The following NRCAM variants were observed in gnomAD, a reference collection of about 807,000 sequenced individuals.
The protein encoded by NRCAM is neuronal cell adhesion molecule, also known as NgCAM-related cell adhesion molecule.
NRCAM carries 83 observed loss-of-function variants against 156.5 expected under a neutral mutation model. That is an observed-to-expected ratio of 0.53 (90% CI 0.44 to 0.64). The LOEUF is 0.64. Ranked by LOEUF, NRCAM falls within the 30% of genes least tolerant of loss-of-function variation. The pLI, the probability that NRCAM is intolerant of heterozygous loss-of-function variation, is 0.00. For synonymous variants in NRCAM, 538 were observed against 563.9 expected, an observed-to-expected ratio of 0.95 and a Z score of 0.65; for missense variants, 1,417 against 1,597.3, an observed-to-expected ratio of 0.89 and a Z score of 1.92.
intron 32 of NRCAM, 21 bp downstream of exon 32, chr7:108,159,442 A>G (rs761970472): frequency 5.0e-6 from 8 of 1,599,748 alleles, no homozygotes; most frequent in Non-Finnish European, 6.0e-6. Context: ...GAAGATGAAG[A>G]GCAGAGAAGC....
At chr7:108,297,937 A>G (rs2098484064) in intron 3 of NRCAM, among the ~76,000 whole-genome samples, 1 of 152,182 alleles carries the variant, frequency 6.6e-6, no homozygotes, top group Non-Finnish European at 1.5e-5. Flanking sequence ...AGAGTGTTCC[A>G]GACAGAGGGA....
chr7:108,407,241 T>G (rs187895918), intron 1 of NRCAM, among the ~76,000 whole-genome samples: 83 of 152,354 alleles, frequency 5.4e-4, no homozygotes, highest in African/African-American at 1.9e-3. Context: ...ACTCATTAAA[T>G]ATTCTATAAA....
At position 108,243,392 on chromosome 7, in the gene NRCAM, C is replaced by T. The variant is rs951836261; in HGVS notation, c.-106-3222G>A. ...AGAGTAATGTACTCTGCACACTGCA[C>T]AAAGAAAAACCACCGCTTTGCACTC... On this transcript the variant is annotated intron_variant, in intron 3 of 32. Coordinates refer to ENST00000379028, the MANE Select transcript of NRCAM (RefSeq NM_001037132.4). 8.5e-5 allele frequency among the ~76,000 whole-genome samples: 13 copies of T among 152,180 alleles called. No homozygotes were observed. In the East Asian group the frequency reaches 2.3e-3, roughly 27 times the overall value.
At chr7:108,166,821 C>T (rs2054661253) in intron 30 of NRCAM, 100 bp downstream of exon 30, 3 of 1,067,396 alleles carry the variant, frequency 2.8e-6, no homozygotes, top group Middle Eastern at 2.6e-4. Flanking sequence ...CATTCATGCC[C>T]TACCCATAAC....
At chr7:108,183,578 C>T (rs1475361764) in intron 22 of NRCAM, among the ~76,000 whole-genome samples, 2 of 151,456 alleles carry the variant, frequency 1.3e-5, no homozygotes, top group Non-Finnish European at 2.9e-5. Context: ...GCTCTGTCAC[C>T]CAGGCTGGAG....
chr7:108,327,385 G>C (rs2099080688), intron 2 of NRCAM, among the ~76,000 whole-genome samples: 2 of 152,162 alleles, frequency 1.3e-5, no homozygotes, highest in African/African-American at 4.8e-5. Context: ...ACTTTCATCA[G>C]ATTTTGTTAC....
chr7:108,396,312 T>A (rs1023891251), intron 2 of NRCAM, among the ~76,000 whole-genome samples: 4 of 152,236 alleles, frequency 2.6e-5, no homozygotes, highest in African/African-American at 9.6e-5. Flanking sequence ...CGCACTCTGA[T>A]AATTTACAGC....
chr7:108,393,930 C>A (rs1414406696), intron 2 of NRCAM, among the ~76,000 whole-genome samples: 1 of 152,200 alleles, frequency 6.6e-6, no homozygotes, highest in African/African-American at 2.4e-5. Context: ...TGAAGATCTG[C>A]AGGCAGGATT....
At chr7:108,378,346 T>G (rs1380905089) in intron 2 of NRCAM, among the ~76,000 whole-genome samples, 1 of 151,828 alleles carries the variant, frequency 6.6e-6, no homozygotes, top group East Asian at 1.9e-4. Flanking sequence ...AGTAAACAAG[T>G]TAATAAGACA....
chr7:108,337,124 C>T (rs2099203577), intron 2 of NRCAM, among the ~76,000 whole-genome samples: 1 of 151,818 alleles, frequency 6.6e-6, no homozygotes, highest in Non-Finnish European at 1.5e-5. Flanking sequence ...ATTAGCTGGG[C>T]TGGGGACCCA....
At chr7:108,220,302 C>G (rs2091738385) in intron 11 of NRCAM, among the ~76,000 whole-genome samples, 1 of 152,014 alleles carries the variant, frequency 6.6e-6, no homozygotes, top group Non-Finnish European at 1.5e-5. Flanking sequence ...AATGCAATCC[C>G]CATCAAAATA....
chr7:108,246,836 G>T (rs985838100), intron 3 of NRCAM, among the ~76,000 whole-genome samples: 3 of 152,190 alleles, frequency 2.0e-5, no homozygotes, highest in African/African-American at 7.2e-5. Flanking sequence ...GTGGCCCCAG[G>T]AAGCACCCTT....
At chr7:108,327,849 A>T (rs559028462) in intron 2 of NRCAM, among the ~76,000 whole-genome samples, 18 of 152,328 alleles carry the variant, frequency 1.2e-4, no homozygotes, top group South Asian at 2.1e-4. Flanking sequence ...TCAAAAAGAT[A>T]CATGAGTAAA....
chr7:108,351,163 G>A (rs2099409736), intron 2 of NRCAM, among the ~76,000 whole-genome samples: 1 of 152,056 alleles, frequency 6.6e-6, no homozygotes, highest in African/African-American at 2.4e-5. Flanking sequence ...CTTGGGAGTG[G>A]GATTCTGATA....
At chr7:108,279,792 G>T (rs1430852578) in intron 3 of NRCAM, among the ~76,000 whole-genome samples, 2 of 151,930 alleles carry the variant, frequency 1.3e-5, no homozygotes, top group African/African-American at 2.4e-5. Context: ...AAACTCCTGA[G>T]CAAGTGATCC....
intron 11 of NRCAM, among the ~76,000 whole-genome samples, chr7:108,215,922 T>C (rs953943431): frequency 1.3e-5 from 2 of 152,224 alleles, no homozygotes; most frequent in African/African-American, 4.8e-5. Context: ...TTAAGGTTAA[T>C]ATTGTTATGT....
chr7:108,349,064 C>T (rs118006130), intron 2 of NRCAM, among the ~76,000 whole-genome samples: 9 of 152,034 alleles, frequency 5.9e-5, no homozygotes, highest in Non-Finnish European at 7.4e-5. Flanking sequence ...TAAGTATGAT[C>T]GACATTATTT....
At chr7:108,369,465 T>C (rs2099614947) in intron 2 of NRCAM, among the ~76,000 whole-genome samples, 2 of 152,164 alleles carry the variant, frequency 1.3e-5, no homozygotes, top group Non-Finnish European at 2.9e-5. Flanking sequence ...TTTAAATTCA[T>C]TTAATTAAAT....
chr7:108,402,243 C>T (rs931839692), intron 1 of NRCAM, among the ~76,000 whole-genome samples: 176 of 152,174 alleles, frequency 1.2e-3, no homozygotes, highest in Non-Finnish European at 2.9e-4. Flanking sequence ...GTATCCATGT[C>T]GCAGTTTGCT....
Sources: gnomAD v4.1 joint callset for allele counts (sites outside exome capture counted in the v4.1 genomes callset) on GRCh38, gnomAD v4.1.1 for gene constraint, MANE v1.5 for transcripts, NCBI Gene and HGNC (gene_info 2026-07-23, HGNC 2026-07-21) for gene names.